Variants in RNF144B observed in about 807,000 individuals in gnomAD.
RNF144B encodes E3 ubiquitin-protein ligase RNF144B.
A neutral mutation model predicts 40.2 loss-of-function variants in RNF144B; 25 were observed. The observed-to-expected ratio is 0.62, with a 90% confidence interval of 0.45 to 0.87. RNF144B has a LOEUF of 0.87. Ranked by LOEUF, RNF144B falls within the 40% of genes least tolerant of loss-of-function variation. RNF144B has a pLI of 0.00. For synonymous variants in RNF144B, 145 were observed against 136.3 expected (o/e 1.06, Z -0.44); for missense variants, 365 against 373.7 (o/e 0.98, Z 0.19).
chr6:18,461,265 T>C (rs767827198), intron 6 of RNF144B, among the ~76,000 whole-genome samples: 111 of 152,236 alleles, frequency 7.3e-4, no homozygotes, highest in Non-Finnish European at 1.4e-3. Flanking sequence ...AAATATCTTC[T>C]ATTTAAAAAT....
chr6:18,435,230 T>A, intron 3 of RNF144B, among the ~76,000 whole-genome samples: 1 of 152,188 alleles, frequency 6.6e-6, no homozygotes, highest in East Asian at 1.9e-4. Flanking sequence ...GTAGCAAAAA[T>A]TAACTTTAAA....
Position 18,458,063 on chromosome 6 carries a change from G to A in RNF144B, c.536+704G>A, listed in dbSNP as rs138447919. ...AGCGATTCTCCTGCCTCAGCCTCCCGATTAGCTGGGATTGCAGGCACTTGC... is the reference window on the plus strand; with the variant it reads ...AGCGATTCTCCTGCCTCAGCCTCCCAATTAGCTGGGATTGCAGGCACTTGC... On this transcript the variant is annotated intron_variant, in intron 5 of 7. Coordinates refer to ENST00000259939, the MANE Select transcript of RNF144B (RefSeq NM_182757.4). This position sits in a 1 kb window ranked among gnomAD's most constrained non-coding sequence, Gnocchi z 4.8. Among the ~76,000 whole-genome samples the A allele has an allele frequency of 0.022, 3,406 of 151,942 alleles. 76 individuals are homozygous for A. Among genetic ancestry groups the A allele is most frequent in the Non-Finnish European group, 0.029 (1,946 of 67,960 alleles).
At chr6:18,428,731 C>T (rs759384520) in intron 3 of RNF144B, among the ~76,000 whole-genome samples, 4 of 152,170 alleles carry the variant, frequency 2.6e-5, no homozygotes, top group Non-Finnish European at 5.9e-5. Flanking sequence ...TGCCAGTATA[C>T]TACCTAATCC....
Position 18,467,663 on chromosome 6 carries a change from C to T in RNF144B, c.*2596C>T, listed in dbSNP as rs533957831. The stretch of plus-strand genomic sequence containing the variant: ...CTTATTTTTATTTTTATTTTTTGGA[C>T]AGAGTCTCCCTTTGTCACCCAGGCC... On this transcript the variant is annotated 3_prime_UTR_variant, in exon 8 of 8. Transcript: ENST00000259939. The T allele has an allele frequency of 2.0e-5, 3 of 148,278 alleles. No homozygotes were observed. The highest frequency in any genetic ancestry group is 4.5e-5 in the Non-Finnish European group (3 of 67,184). The allele number at this position is 148,278 out of a possible 1,614,324, so 9.2% of individuals were successfully genotyped here.
In RNF144B at chr6:18,465,887, A is replaced by G. The variant is rs771226494; in HGVS notation, c.*820A>G. 7.2e-5 allele frequency: 11 copies of G among 152,232 alleles called. No individual in the cohort carries two copies. The highest frequency in any genetic ancestry group is 1.0e-4 in the Non-Finnish European group (7 of 68,052). The allele number at this position is 152,232 out of a possible 1,614,324, so 9.4% of individuals were successfully genotyped here. On this transcript the variant is annotated 3_prime_UTR_variant, in exon 8 of 8. Transcript: ENST00000259939. Reference sequence around the variant, plus strand: ...ACGGGTAGAGTGGTAGAGTTTCAAAACTTTCGTCATAGATATCTGGGACCT... The same window carrying G: ...ACGGGTAGAGTGGTAGAGTTTCAAAGCTTTCGTCATAGATATCTGGGACCT...
intron 3 of RNF144B, among the ~76,000 whole-genome samples, chr6:18,438,601 G>A (rs4716254): frequency 0.12 from 19,001 of 152,118 alleles, 1,364 homozygotes; most frequent in Admixed American, 0.19. Flanking sequence ...TAAGGGAAAG[G>A]ATTAGATTTT....
intron 2 of RNF144B, among the ~76,000 whole-genome samples, chr6:18,413,507 G>A (rs533023197): frequency 4.6e-5 from 7 of 152,240 alleles, no homozygotes; most frequent in South Asian, 2.1e-4. Flanking sequence ...GTGTGATTTC[G>A]GGTAAGTTAT....
At chr6:18,387,978 A>G (rs1242994307) in intron 1 of RNF144B, among the ~76,000 whole-genome samples, 3 of 152,212 alleles carry the variant, frequency 2.0e-5, no homozygotes, top group Non-Finnish European at 2.9e-5. Context: ...TTATTTTATC[A>G]GGTAATTGCT....
At chr6:18,407,966 TTTTCTTTC>T (rs147917218) in intron 2 of RNF144B, among the ~76,000 whole-genome samples, 17 of 145,622 alleles carry the variant, frequency 1.2e-4, no homozygotes, top group African/African-American at 4.1e-4. Flanking sequence ...GAATTTTTCT[TTTTCTTTC>T]TTTCTTTTTC....
At chr6:18,417,214 T>A (rs1795161291) in intron 2 of RNF144B, among the ~76,000 whole-genome samples, 1 of 152,160 alleles carries the variant, frequency 6.6e-6, no homozygotes, top group African/African-American at 2.4e-5. Context: ...AAATTCCGAC[T>A]AAATTCTAGG....
At chr6:18,423,600 G>A (rs1398248813) in intron 2 of RNF144B, among the ~76,000 whole-genome samples, 2 of 152,216 alleles carry the variant, frequency 1.3e-5, no homozygotes, top group East Asian at 1.9e-4. Flanking sequence ...CTTGAAAGGG[G>A]TCTAGGAGAC....
At chr6:18,413,220 G>C (rs1795082095) in intron 2 of RNF144B, among the ~76,000 whole-genome samples, 1 of 152,060 alleles carries the variant, frequency 6.6e-6, no homozygotes. Context: ...TTTTTTGTTA[G>C]CATGAAAATG....
In RNF144B at chr6:18,418,219, C is replaced by T. The variant is rs912566548; in HGVS notation, c.166-9362C>T. On this transcript the variant is annotated intron_variant, in intron 2 of 7. Coordinates refer to ENST00000259939, the MANE Select transcript of RNF144B (RefSeq NM_182757.4). This position sits in a 1 kb window ranked among gnomAD's most constrained non-coding sequence, Gnocchi z 5.2. ...AAGATAGAGTTACCATATACCATAC[C>T]TACTCCTAGGTAAATATCCAAGAGA... Among the ~76,000 whole-genome samples the T allele has an allele frequency of 6.6e-6, 1 of 152,174 alleles. No homozygotes were observed. The highest frequency in any genetic ancestry group is 1.5e-5 in the Non-Finnish European group (1 of 68,018).
chr6:18,437,627 C>G (rs572621003), intron 3 of RNF144B, among the ~76,000 whole-genome samples: 1 of 152,082 alleles, frequency 6.6e-6, no homozygotes. Flanking sequence ...TCCATACAAA[C>G]CTTTGACTTA....
rs1189464800 is a variant in RNF144B at position 18,422,143 on chromosome 6, G to A, written c.166-5438G>A. On this transcript the variant is annotated intron_variant, in intron 2 of 7. Transcript: ENST00000259939. This position sits in a 1 kb window ranked among gnomAD's most constrained non-coding sequence, Gnocchi z 4.7. Reference sequence around the variant, plus strand: ...CTGCCTAGCTATAGGTTGTTAATTTGTCTGAATATTTTCAAACCAGGATGC... The same window carrying A: ...CTGCCTAGCTATAGGTTGTTAATTTATCTGAATATTTTCAAACCAGGATGC... Among the ~76,000 whole-genome samples the A allele has an allele frequency of 6.6e-6, 1 of 152,136 alleles. No homozygotes were observed. The highest frequency in any genetic ancestry group is 1.9e-4 in the East Asian group (1 of 5,192).
chr6:18,393,282 A>G, intron 1 of RNF144B, among the ~76,000 whole-genome samples: 1 of 152,194 alleles, frequency 6.6e-6, no homozygotes, highest in Admixed American at 6.5e-5. Flanking sequence ...ACGCTGGTTC[A>G]TCTTGTCCTT....
rs767739371 is a variant in RNF144B, at chr6:18,464,899, G to A, written c.772-28G>A. On this transcript the variant is annotated intron_variant, in intron 7 of 7. Transcript: ENST00000259939. This position sits in a 1 kb window ranked among gnomAD's most constrained non-coding sequence, Gnocchi z 6.1. ...ATACATATTGAAAGACTTAATTGCT[G>A]AAATATGCTTTTCTTTGAAATTTCC... The A allele has an allele frequency of 3.1e-6, 5 of 1,612,316 alleles. No homozygotes were observed. Among genetic ancestry groups the A allele is most frequent in the Non-Finnish European group, 4.2e-6 (5 of 1,178,602 alleles).
At chr6:18,428,849 A>G (rs9383385) in intron 3 of RNF144B, among the ~76,000 whole-genome samples, 4,653 of 152,266 alleles carry the variant, frequency 0.031, 153 homozygotes, top group South Asian at 0.16. Flanking sequence ...TAGAAGAGAT[A>G]GGATTCTAAT....
intron 3 of RNF144B, among the ~76,000 whole-genome samples, chr6:18,435,713 T>C (rs1252893691): frequency 6.6e-6 from 1 of 152,128 alleles, no homozygotes; most frequent in African/African-American, 2.4e-5. Flanking sequence ...TGAGTTCATG[T>C]CCTTTGTAGG....
Sources: gnomAD v4.1 joint callset for allele counts (sites outside exome capture counted in the v4.1 genomes callset) on GRCh38, gnomAD v4.1.1 for gene constraint, Gnocchi (gnomAD v3.1) non-coding constraint, MANE v1.5 for transcripts, NCBI Gene and HGNC (gene_info 2026-07-23, HGNC 2026-07-21) for gene names.